Variants in MCCC1 observed in about 807,000 individuals in gnomAD.
MCCC1 encodes the protein methylcrotonoyl-CoA carboxylase subunit alpha, mitochondrial.
MCCC1 carries 64 observed loss-of-function variants against 83.8 expected under a neutral mutation model. The observed-to-expected ratio is 0.76, with a 90% confidence interval of 0.62 to 0.94. MCCC1 has a LOEUF of 0.94. MCCC1 is among the 40% of genes least tolerant of loss of function. The pLI, the probability that MCCC1 is intolerant of heterozygous loss-of-function variation, is 0.00. For synonymous variants in MCCC1, 322 were observed against 315.4 expected, an observed-to-expected ratio of 1.02 and a Z score of -0.22; for missense variants, 807 against 904.7, an observed-to-expected ratio of 0.89 and a Z score of 1.39.
At chr3:183,052,387 A>G in intron 8 of MCCC1, 147 bp from the exon 9 acceptor site, 1 of 710,710 alleles carries the variant, frequency 1.4e-6, no homozygotes, top group Non-Finnish European at 2.5e-6. Context: ...TAAGATTATA[A>G]TGGAGCTGAA....
intron 12 of MCCC1, among the ~76,000 whole-genome samples, chr3:183,038,553 C>A (rs1713811828): frequency 1.3e-5 from 2 of 152,096 alleles, no homozygotes. Flanking sequence ...AATTAATGTT[C>A]TACAGAAAAA....
chr3:183,053,229 G>C (rs903476462), intron 8 of MCCC1, among the ~76,000 whole-genome samples: 5 of 151,654 alleles, frequency 3.3e-5, no homozygotes, highest in African/African-American at 9.7e-5. Flanking sequence ...CCAACACTTT[G>C]GGAGGCCGAG....
intron 1 of MCCC1, among the ~76,000 whole-genome samples, chr3:183,109,933 A>G (rs952740559): frequency 6.6e-5 from 10 of 152,150 alleles, no homozygotes; most frequent in Non-Finnish European, 1.5e-5. Context: ...TTGACTTTTT[A>G]ATAATGGCCA....
chr3:183,104,335 C>T (rs1037054051), upstream of MCCC1, among the ~76,000 whole-genome samples: 2 of 152,100 alleles, frequency 1.3e-5, no homozygotes, highest in African/African-American at 4.8e-5. Flanking sequence ...GCCAAGCTGT[C>T]TCGAACTCCT....
chr3:183,111,989 TA>T (rs368744609), intron 1 of MCCC1, among the ~76,000 whole-genome samples: 40 of 147,032 alleles, frequency 2.7e-4, no homozygotes, highest in Admixed American at 4.7e-4. Flanking sequence ...TTCCTAAATT[TA>T]AAAAAAAAAA....
intron 18 of MCCC1, 117 bp downstream of exon 18, chr3:183,017,149 C>T (rs1031891584): frequency 3.2e-6 from 3 of 936,294 alleles, no homozygotes; most frequent in South Asian, 1.3e-5. Context: ...ATTAATGCTT[C>T]GTCAATCATG....
At chr3:183,094,456 T>C (rs1003420499) in intron 2 of MCCC1, 103 bp downstream of exon 2, 2 of 1,116,204 alleles carry the variant, frequency 1.8e-6, no homozygotes, top group African/African-American at 3.1e-5. Context: ...AAATTTATGA[T>C]AACTAATTCT....
chr3:183,067,640 T>C (rs569609009), intron 7 of MCCC1, among the ~76,000 whole-genome samples: 5 of 152,314 alleles, frequency 3.3e-5, no homozygotes, highest in Non-Finnish European at 7.4e-5. Context: ...CAGTGATCCC[T>C]GGATGCTGCT....
chr3:183,060,502 G>C (rs965683469), intron 7 of MCCC1, among the ~76,000 whole-genome samples: 5 of 152,224 alleles, frequency 3.3e-5, no homozygotes, highest in Middle Eastern at 3.4e-3. Flanking sequence ...ACACAAATCA[G>C]CTATTTTGCT....
chr3:183,085,744 T>C (rs12491196), intron 4 of MCCC1, among the ~76,000 whole-genome samples: 136,580 of 152,158 alleles, frequency 0.9, 61,649 homozygotes, highest in East Asian at 1. Context: ...CAGCTGCAAA[T>C]CCAGCCTTCT....
chr3:183,079,937 G>T (rs1438856568), intron 4 of MCCC1, among the ~76,000 whole-genome samples: 1 of 152,226 alleles, frequency 6.6e-6, no homozygotes, highest in Non-Finnish European at 1.5e-5. Flanking sequence ...AACAGCCCAA[G>T]TAGTACCTTG....
intron 7 of MCCC1, among the ~76,000 whole-genome samples, chr3:183,060,031 C>T (rs141394870): frequency 2.9e-3 from 439 of 152,204 alleles, no homozygotes; most frequent in African/African-American, 0.01. Context: ...TCAACAACTT[C>T]GGAAAATTCT....
chr3:183,114,076 T>C (rs769987112), intron 1 of MCCC1, among the ~76,000 whole-genome samples: 23 of 152,126 alleles, frequency 1.5e-4, no homozygotes, highest in South Asian at 4.1e-4. Flanking sequence ...GCAAGCTGAC[T>C]CCCAGCACAT....
chr3:183,037,530 A>T, intron 12 of MCCC1, 96 bp from the exon 13 acceptor site: 1 of 1,047,818 alleles, frequency 9.5e-7, no homozygotes, highest in Non-Finnish European at 1.5e-6. Flanking sequence ...TTCTACTGTG[A>T]ACAACTCTTA....
At chr3:183,067,984 CCT>C (rs925475801) in intron 7 of MCCC1, among the ~76,000 whole-genome samples, 3 of 152,230 alleles carry the variant, frequency 2.0e-5, no homozygotes, top group African/African-American at 4.8e-5. Context: ...TAACTAAGCT[CCT>C]CTCTCTATAC....
In MCCC1 at chr3:183,017,531, G is replaced by T. The variant is rs73883994; in HGVS notation, c.1978-194C>A. ...AGGTCCTTTGTGGTCCACAGATTTG[G>T]TATATAAACTTACAGAGCAGAAGTA... On this transcript the variant is annotated intron_variant, in intron 17 of 18. Transcript: ENST00000265594. The T allele has an allele frequency of 0.018, 10,542 of 588,616 alleles. 414 individuals carry two copies. Among genetic ancestry groups the T allele is most frequent in the East Asian group, 0.094 (3,193 of 34,048 alleles). The allele number at this position is 588,616 out of a possible 1,614,324, so 36.5% of individuals were successfully genotyped here. A position where few individuals can be genotyped will look rare whatever the true frequency, so the allele number is the denominator to read the frequency against.
chr3:183,062,363 T>A (rs1715904201), intron 7 of MCCC1, among the ~76,000 whole-genome samples: 1 of 148,968 alleles, frequency 6.7e-6, no homozygotes, highest in South Asian at 2.1e-4. Context: ...TTTTTTTTTT[T>A]TTTTTTTTTG....
chr3:183,072,120 G>A (rs571263133), intron 5 of MCCC1, among the ~76,000 whole-genome samples: 52 of 151,936 alleles, frequency 3.4e-4, no homozygotes, highest in Non-Finnish European at 5.1e-4. Flanking sequence ...CTCCCACCTT[G>A]GCCTCCCAAA....
chr3:183,114,938 C>T (rs996151416), intron 1 of MCCC1, among the ~76,000 whole-genome samples: 1 of 152,156 alleles, frequency 6.6e-6, no homozygotes. Flanking sequence ...CCTTTGGATG[C>T]CCCTCTACCT....
Sources: allele counts gnomAD v4.1 joint callset (sites outside exome capture counted in the v4.1 genomes callset), GRCh38; gene constraint gnomAD v4.1.1; transcripts MANE v1.5; gene names NCBI Gene and HGNC (gene_info 2026-07-23, HGNC 2026-07-21).